Variants in ATOSA observed in about 807,000 individuals in gnomAD.
ATOSA encodes the protein atos homolog protein A.
the ATOSA span, among the ~76,000 whole-genome samples, chr15:52,597,140 A>G: frequency 6.6e-6 from 1 of 151,532 alleles, no homozygotes; most frequent in Non-Finnish European, 1.5e-5. Context: ...CAGTTAAACT[A>G]TTCTATTTTA....
At chr15:52,645,276 CAAAAATACAA>C in the ATOSA span, among the ~76,000 whole-genome samples, 2 of 151,942 alleles carry the variant, frequency 1.3e-5, no homozygotes, top group Non-Finnish European at 2.9e-5. Context: ...CCATCTCTAC[CAAAAATACAA>C]AAATTAGCTG....
chr15:52,694,326 C>G, the ATOSA span, among the ~76,000 whole-genome samples: 1 of 152,018 alleles, frequency 6.6e-6, no homozygotes, highest in African/African-American at 2.4e-5. Flanking sequence ...ACTACCACAT[C>G]TGGCTAATTC....
At chr15:52,589,742 G>T in the ATOSA span, among the ~76,000 whole-genome samples, 1 of 151,700 alleles carries the variant, frequency 6.6e-6, no homozygotes, top group Non-Finnish European at 1.5e-5. Flanking sequence ...TTTATACCTA[G>T]AAAAAGTTAC....
At chr15:52,618,557 T>C in the ATOSA span, among the ~76,000 whole-genome samples, 1 of 152,210 alleles carries the variant, frequency 6.6e-6, no homozygotes, top group Non-Finnish European at 1.5e-5. Context: ...CTATGACTTG[T>C]TATCCTTATG....
chr15:52,632,960 C>G, the ATOSA span, among the ~76,000 whole-genome samples: 1 of 151,974 alleles, frequency 6.6e-6, no homozygotes, highest in Non-Finnish European at 1.5e-5. Context: ...TGTTTTGTAA[C>G]TGCAGTAAGT....
the ATOSA span, chr15:52,586,903 A>C: frequency 9.3e-6 from 5 of 535,928 alleles, no homozygotes; most frequent in South Asian, 3.0e-5. Context: ...GAAGAGTCCT[A>C]TTGAAGTTAT....
the ATOSA span, among the ~76,000 whole-genome samples, chr15:52,681,462 A>G: frequency 6.6e-6 from 1 of 152,224 alleles, no homozygotes; most frequent in East Asian, 1.9e-4. Flanking sequence ...TGAGGTGTTT[A>G]GACTCTGACA....
the ATOSA span, among the ~76,000 whole-genome samples, chr15:52,613,361 G>A: frequency 7.9e-5 from 12 of 152,178 alleles, no homozygotes; most frequent in African/African-American, 1.4e-4. Flanking sequence ...GCGAGACTCC[G>A]TCTCAAATAT....
chr15:52,583,389 T>C, the ATOSA span, among the ~76,000 whole-genome samples: 1 of 83,384 alleles, frequency 1.2e-5, no homozygotes, highest in Admixed American at 1.4e-4. Context: ...TTTCATACCA[T>C]GTCATTCATT....
the ATOSA span, chr15:52,600,281 T>C: frequency 2.2e-6 from 1 of 465,006 alleles, no homozygotes; most frequent in South Asian, 4.6e-5. Context: ...GCCACAATAC[T>C]TTTTTTTTTA....
the ATOSA span, among the ~76,000 whole-genome samples, chr15:52,599,719 A>G: frequency 6.6e-6 from 1 of 152,236 alleles, no homozygotes; most frequent in Non-Finnish European, 1.5e-5. Context: ...TTTACAAAAA[A>G]GTTGCAAATA....
chr15:52,622,830 G>C, the ATOSA span, among the ~76,000 whole-genome samples: 1 of 152,006 alleles, frequency 6.6e-6, no homozygotes, highest in Non-Finnish European at 1.5e-5. Flanking sequence ...AGCAGCAAGA[G>C]ATGGACGTTT....
chr15:52,633,584 A>T, the ATOSA span, among the ~76,000 whole-genome samples: 1 of 152,186 alleles, frequency 6.6e-6, no homozygotes, highest in African/African-American at 2.4e-5. Context: ...TAGCACACAG[A>T]AAGCAAGCGC....
the ATOSA span, among the ~76,000 whole-genome samples, chr15:52,650,061 A>G: frequency 4.2e-3 from 639 of 152,366 alleles, 4 homozygotes; most frequent in South Asian, 7.9e-3. Flanking sequence ...ATCAATTTAA[A>G]CAAAACTTTG....
At chr15:52,631,775 G>A in the ATOSA span, among the ~76,000 whole-genome samples, 1 of 152,258 alleles carries the variant, frequency 6.6e-6, no homozygotes, top group East Asian at 1.9e-4. Flanking sequence ...GAAATTGCAT[G>A]GTTCAAAGTG....
chr15:52,620,276 A>G, the ATOSA span, among the ~76,000 whole-genome samples: 6 of 152,214 alleles, frequency 3.9e-5, no homozygotes, highest in Non-Finnish European at 7.3e-5. Flanking sequence ...GATTTATGTA[A>G]GCGAGAGGTT....
At chr15:52,637,289 T>C in the ATOSA span, among the ~76,000 whole-genome samples, 4 of 151,900 alleles carry the variant, frequency 2.6e-5, no homozygotes, top group African/African-American at 4.8e-5. Flanking sequence ...TGAAGTCAAG[T>C]TGGGGGGCAG....
At chr15:52,646,629 C>T in the ATOSA span, among the ~76,000 whole-genome samples, 1 of 152,256 alleles carries the variant, frequency 6.6e-6, no homozygotes, top group Non-Finnish European at 1.5e-5. Context: ...TTTACCATAT[C>T]CCTTGAAGTG....
the ATOSA span, among the ~76,000 whole-genome samples, chr15:52,606,499 T>C: frequency 6.6e-6 from 1 of 152,150 alleles, no homozygotes; most frequent in South Asian, 2.1e-4. Context: ...CCTACCTTCA[T>C]ATCAAAGTGA....
Sources: allele counts gnomAD v4.1 joint callset (sites outside exome capture counted in the v4.1 genomes callset), GRCh38; gene constraint gnomAD v4.1.1; transcripts MANE v1.5; gene names NCBI Gene and HGNC (gene_info 2026-07-23, HGNC 2026-07-21).